Variants in DPYD observed in about 807,000 individuals in gnomAD.
DPYD encodes dihydropyrimidine dehydrogenase.
Under a neutral mutation model 116.2 loss-of-function variants are expected in DPYD, and 109 were observed. That is an observed-to-expected ratio of 0.94 (90% CI 0.80 to 1.10). The LOEUF (loss-of-function observed/expected upper bound fraction) is 1.10. DPYD is among the 50% of genes least tolerant of loss of function. The pLI is 0.00. For synonymous variants in DPYD, 440 were observed against 432.0 expected (o/e 1.02, Z -0.23); for missense variants, 1,302 against 1,254.5 (o/e 1.04, Z -0.57).
intron 5 of DPYD, chr1:97,719,624 GT>G (rs916556863): frequency 2.9e-5 from 25 of 866,686 alleles, no homozygotes; most frequent in Admixed American, 6.3e-5. Flanking sequence ...TCGTTTTGTT[GT>G]TTTTTTAACT....
At chr1:97,865,613 C>G (rs577909680) in intron 2 of DPYD, among the ~76,000 whole-genome samples, 1 of 151,946 alleles carries the variant, frequency 6.6e-6, no homozygotes, top group South Asian at 2.1e-4. Flanking sequence ...CTAAAAATAA[C>G]AGTAAATGTG....
chr1:97,900,342 C>G (rs932233587), intron 1 of DPYD, among the ~76,000 whole-genome samples: 2 of 151,818 alleles, frequency 1.3e-5, no homozygotes, highest in African/African-American at 4.8e-5. Flanking sequence ...CAATTTTTCC[C>G]ATGTTATACC....
At chr1:97,079,294 G>A in intron 22 of DPYD, 148 bp from the exon 23 acceptor site, 2 of 777,164 alleles carry the variant, frequency 2.6e-6, no homozygotes. Context: ...AGCAACAGTT[G>A]AGCTGACAGA....
chr1:97,173,088 A>C (rs544562349), intron 20 of DPYD, among the ~76,000 whole-genome samples: 10 of 152,074 alleles, frequency 6.6e-5, no homozygotes, highest in African/African-American at 2.4e-4. Flanking sequence ...TCCGGCTTCC[A>C]CTAATAAATA....
intron 3 of DPYD, among the ~76,000 whole-genome samples, chr1:97,743,031 T>C (rs546381902): frequency 6.6e-6 from 1 of 152,120 alleles, no homozygotes; most frequent in African/African-American, 2.4e-5. Flanking sequence ...GGAACCAAAT[T>C]AATGTGCAGT....
At chr1:97,802,759 TC>T (rs1446414796) in intron 3 of DPYD, among the ~76,000 whole-genome samples, 1 of 151,858 alleles carries the variant, frequency 6.6e-6, no homozygotes, top group Non-Finnish European at 1.5e-5. Context: ...TTTCCACAAA[TC>T]CACAAAATCA....
intron 11 of DPYD, among the ~76,000 whole-genome samples, chr1:97,559,174 C>A (rs7521763): frequency 0.015 from 2,270 of 151,970 alleles, 57 homozygotes; most frequent in African/African-American, 0.051. Context: ...TCTCAGCAAA[C>A]AAAATTTTTT....
chr1:97,659,970 G>T (rs2100864548), intron 8 of DPYD, among the ~76,000 whole-genome samples: 2 of 152,126 alleles, frequency 1.3e-5, no homozygotes, highest in East Asian at 3.9e-4. Context: ...CTCAGAAAAT[G>T]CCCTATATTC....
At chr1:97,700,052 A>G (rs1661510981) in intron 5 of DPYD, among the ~76,000 whole-genome samples, 1 of 152,094 alleles carries the variant, frequency 6.6e-6, no homozygotes, top group African/African-American at 2.4e-5. Context: ...TGGGAGAATA[A>G]TGATTTAAAA....
intron 3 of DPYD, among the ~76,000 whole-genome samples, chr1:97,761,283 A>G (rs1665560142): frequency 6.6e-6 from 1 of 152,172 alleles, no homozygotes; most frequent in South Asian, 2.1e-4. Context: ...AATTACAAGA[A>G]ACAAATTTAT....
At chr1:97,334,853 C>A (rs1669203696) in intron 16 of DPYD, among the ~76,000 whole-genome samples, 1 of 149,854 alleles carries the variant, frequency 6.7e-6, no homozygotes, top group African/African-American at 2.4e-5. Context: ...CTTGATGAGG[C>A]AGACATTAGA....
At chr1:97,510,527 T>A (rs1410290636) in intron 13 of DPYD, among the ~76,000 whole-genome samples, 1 of 151,944 alleles carries the variant, frequency 6.6e-6, no homozygotes, top group Admixed American at 6.6e-5. Flanking sequence ...TTGAGCCTAA[T>A]GCCATGATTA....
chr1:97,107,265 T>C (rs1309720661), intron 20 of DPYD, among the ~76,000 whole-genome samples: 2 of 152,126 alleles, frequency 1.3e-5, no homozygotes, highest in Non-Finnish European at 2.9e-5. Context: ...CTTTTAAAAT[T>C]ACATAGGAAC....
At chr1:97,421,358 G>A (rs1057104231) in intron 14 of DPYD, among the ~76,000 whole-genome samples, 2 of 152,036 alleles carry the variant, frequency 1.3e-5, no homozygotes, top group Non-Finnish European at 2.9e-5. Context: ...AAAACCATTA[G>A]ATTTCCCAAG....
intron 20 of DPYD, among the ~76,000 whole-genome samples, chr1:97,140,429 G>T (rs1160272388): frequency 6.6e-6 from 1 of 152,102 alleles, no homozygotes; most frequent in Non-Finnish European, 1.5e-5. Flanking sequence ...CAGAGCAGAA[G>T]GTATCACCAG....
chr1:97,324,376 T>C (rs1364054949), intron 16 of DPYD, among the ~76,000 whole-genome samples: 3 of 152,048 alleles, frequency 2.0e-5, no homozygotes, highest in African/African-American at 7.2e-5. Flanking sequence ...TGACCTCTTT[T>C]TATTTAGTCT....
At chr1:97,536,232 C>T (rs1240174811) in intron 12 of DPYD, among the ~76,000 whole-genome samples, 1 of 152,184 alleles carries the variant, frequency 6.6e-6, no homozygotes, top group Non-Finnish European at 1.5e-5. Flanking sequence ...TTAGCCATGA[C>T]ATACTTCAAT....
chr1:97,288,656 A>G (rs1473052338), intron 18 of DPYD, among the ~76,000 whole-genome samples: 2 of 143,964 alleles, frequency 1.4e-5, no homozygotes, highest in Admixed American at 7.2e-5. Context: ...AAGACACAAC[A>G]TACCAGACTC....
chr1:97,488,269 T>C (rs979962667), intron 13 of DPYD, among the ~76,000 whole-genome samples: 2 of 152,146 alleles, frequency 1.3e-5, no homozygotes, highest in African/African-American at 4.8e-5. Context: ...TTCCAGGCGT[T>C]AGGAATGCAG....
Sources: allele counts gnomAD v4.1 joint callset (sites outside exome capture counted in the v4.1 genomes callset), GRCh38; gene constraint gnomAD v4.1.1; transcripts MANE v1.5; gene names NCBI Gene and HGNC (gene_info 2026-07-23, HGNC 2026-07-21).